The following ATP8A2 variants were observed in gnomAD, a reference collection of about 807,000 sequenced individuals.
ATP8A2 encodes the protein phospholipid-transporting ATPase IB.
Under a neutral mutation model 165.6 loss-of-function variants are expected in ATP8A2, and 100 were observed. The observed-to-expected ratio is 0.60, with a 90% CI of 0.51 to 0.71. ATP8A2 has a LOEUF of 0.71. Among genes scored for constraint, ATP8A2 ranks in the 30% least tolerant of loss-of-function variants. ATP8A2 has a pLI of 0.00. For missense variants in ATP8A2, 1,227 were observed against 1,479.5 expected, an observed-to-expected ratio of 0.83 and a Z score of 2.80; for synonymous variants, 543 against 548.8, an observed-to-expected ratio of 0.99 and a Z score of 0.15.
chr13:25,993,881 T>G (rs1956442359), intron 35 of ATP8A2, among the ~76,000 whole-genome samples: 1 of 152,226 alleles, frequency 6.6e-6, no homozygotes, highest in South Asian at 2.1e-4. Flanking sequence ...AAAAAATGGT[T>G]GAGATTTTGA....
At chr13:25,652,770 C>T (rs79621826) in intron 24 of ATP8A2, among the ~76,000 whole-genome samples, 5,242 of 152,214 alleles carry the variant, frequency 0.034, 156 homozygotes, top group East Asian at 0.13. Context: ...GTTTTTAAAG[C>T]GCACTCTGCC....
chr13:25,574,693 A>G, intron 18 of ATP8A2, 115 bp from the exon 19 acceptor site: 3 of 738,876 alleles, frequency 4.1e-6, no homozygotes, highest in East Asian at 2.5e-5. Flanking sequence ...GCAAAGGGCT[A>G]GAAGGTGGGA....
chr13:25,490,590 C>A (rs1566179606), intron 2 of ATP8A2, among the ~76,000 whole-genome samples: 1 of 152,172 alleles, frequency 6.6e-6, no homozygotes, highest in Non-Finnish European at 1.5e-5. Context: ...ATAAGAAGGT[C>A]CACACAATAA....
At chr13:25,969,403 A>C (rs1376283465) in intron 35 of ATP8A2, among the ~76,000 whole-genome samples, 1 of 152,176 alleles carries the variant, frequency 6.6e-6, no homozygotes, top group African/African-American at 2.4e-5. Flanking sequence ...CTAGAAAGCC[A>C]TTGCTCTATT....
At chr13:25,792,945 GGAAGGAAA>G (rs2045217742) in intron 27 of ATP8A2, among the ~76,000 whole-genome samples, 1 of 149,006 alleles carries the variant, frequency 6.7e-6, no homozygotes, top group African/African-American at 2.5e-5. Flanking sequence ...AAAGAAGAAA[GGAAGGAAA>G]GAAGGAAGGA....
rs762040859 is a variant in ATP8A2 at position 25,563,958 on chromosome 13, G to A, written c.1400G>A (p.Arg467Gln). 39 of 1,608,390 alleles carry A rather than the reference G, an allele frequency of 2.4e-5. No individual in the cohort carries two copies. The highest frequency in any genetic ancestry group is 2.8e-5 in the Non-Finnish European group (33 of 1,175,006). The change falls in exon 16 of 37, where the codon CGG (arginine) becomes CAG (glutamine). Residue 467 changes from arginine to glutamine, a missense_variant and splice_region_variant. This residue lies in a region of ATP8A2 where 592 missense variants were observed against 785.6 expected (regional missense o/e 0.75). Transcript: ENST00000381655. ...ATTTTCTCTGTTCTCTCTTACAGTC[G>A]GATGCCTCCTCCCTGTAGTGATTCC... is the stretch of plus-strand genomic sequence containing the variant. ...AREPSSDDFCRMPPPCSDSCD... is the reference protein window; with the variant it reads ...AREPSSDDFCQMPPPCSDSCD...
chr13:25,570,946 T>A, intron 17 of ATP8A2, 74 bp downstream of exon 17: 1 of 1,101,052 alleles, frequency 9.1e-7, no homozygotes, highest in Non-Finnish European at 1.3e-6. Context: ...TTCTTGGAGG[T>A]GTTGCCATGT....
At chr13:25,880,970 C>T (rs1247236167) in intron 33 of ATP8A2, 1 of 456,406 alleles carries the variant, frequency 2.2e-6, no homozygotes, top group Non-Finnish European at 4.4e-6. Context: ...TCTGTTGAAG[C>T]AGCCAAAGAT....
chr13:25,618,289 G>A (rs1316947603), intron 24 of ATP8A2, among the ~76,000 whole-genome samples: 2 of 152,118 alleles, frequency 1.3e-5, no homozygotes, highest in Non-Finnish European at 2.9e-5. Context: ...TAAACACGAG[G>A]GAGGGTCTGA....
At position 25,925,915 on chromosome 13, in the gene ATP8A2, G is replaced by A. The variant is rs1036615393; in HGVS notation, c.3184-35660G>A. 3.3e-5 allele frequency among the ~76,000 whole-genome samples: 5 copies of A among 151,900 alleles called. No homozygotes were observed. In the South Asian group the frequency reaches 8.3e-4, roughly 25 times the overall value. On this transcript the variant is annotated intron_variant, in intron 33 of 36. Coordinates refer to ENST00000381655, the MANE Select transcript of ATP8A2 (RefSeq NM_016529.6). ...TAATTTTTGTATTTTTAGTAGAGAC[G>A]AGGTTTCTCCATATTGGCCAGGCTG...
chr13:25,538,990 A>G (rs1300247183), intron 7 of ATP8A2, among the ~76,000 whole-genome samples: 1 of 152,100 alleles, frequency 6.6e-6, no homozygotes, highest in Non-Finnish European at 1.5e-5. Flanking sequence ...CGTTAGAAAT[A>G]TTAAAATATT....
chr13:25,381,128 T>G (rs1440664706), intron 1 of ATP8A2, among the ~76,000 whole-genome samples: 1 of 152,194 alleles, frequency 6.6e-6, no homozygotes, highest in Admixed American at 6.5e-5. Flanking sequence ...CAGTCAGTAT[T>G]TATGGAGAGG....
intron 15 of ATP8A2, among the ~76,000 whole-genome samples, chr13:25,562,704 C>T (rs1460189298): frequency 1.1e-5 from 1 of 92,006 alleles, no homozygotes; most frequent in African/African-American, 4.7e-5. Context: ...ACTTAAAACC[C>T]TGTTTTGGGA....
intron 25 of ATP8A2, among the ~76,000 whole-genome samples, chr13:25,765,260 A>G (rs966820739): frequency 2.0e-5 from 3 of 152,216 alleles, no homozygotes; most frequent in African/African-American, 4.8e-5. Context: ...ATTTCTATTC[A>G]TAATACACCA....
intron 35 of ATP8A2, among the ~76,000 whole-genome samples, chr13:25,978,543 G>A (rs1390631523): frequency 6.6e-6 from 1 of 152,160 alleles, no homozygotes; most frequent in Non-Finnish European, 1.5e-5. Context: ...GAGAAGAAGT[G>A]TAGACTCCCA....
chr13:25,701,723 A>AACACACACAC (rs71077495), intron 25 of ATP8A2, among the ~76,000 whole-genome samples: 2,585 of 140,540 alleles, frequency 0.018, 34 homozygotes, highest in East Asian at 0.05. Flanking sequence ...TTGATACTAA[A>AACACACACAC]ACACACACAC....
chr13:25,721,221 A>G (rs141022594), intron 25 of ATP8A2, among the ~76,000 whole-genome samples: 94 of 151,282 alleles, frequency 6.2e-4, no homozygotes, highest in Middle Eastern at 3.4e-3. Flanking sequence ...TTTTTTTTCA[A>G]TAACAGTTTT....
intron 27 of ATP8A2, among the ~76,000 whole-genome samples, chr13:25,783,597 C>A (rs1287485403): frequency 6.6e-6 from 1 of 152,148 alleles, no homozygotes; most frequent in Non-Finnish European, 1.5e-5. Flanking sequence ...TGGTGCTTTA[C>A]AGGCGTGGTA....
intron 15 of ATP8A2, among the ~76,000 whole-genome samples, chr13:25,563,230 CA>C: frequency 6.6e-6 from 1 of 151,988 alleles, no homozygotes; most frequent in East Asian, 1.9e-4. Flanking sequence ...ACCGACATGG[CA>C]AAACCCTGTC....
Sources: gnomAD v4.1 joint callset for allele counts (sites outside exome capture counted in the v4.1 genomes callset) on GRCh38, gnomAD v4.1.1 for gene constraint, gnomAD v4.1.1 regional missense constraint, MANE v1.5 for transcripts, NCBI Gene and HGNC (gene_info 2026-07-23, HGNC 2026-07-21) for gene names.